AGBL4: variants seen among roughly 807,000 people sequenced by gnomAD.
AGBL4 encodes the protein cytosolic carboxypeptidase 6.
In AGBL4, 58 loss-of-function variants were observed where a neutral mutation model predicts 66.4. The ratio of observed to expected loss-of-function variants is 0.87; its 90% CI spans 0.71 to 1.09. AGBL4 has a LOEUF of 1.09. Ranked by LOEUF, AGBL4 falls within the 50% of genes least tolerant of loss-of-function variation. The pLI is 0.00. For synonymous variants in AGBL4, 234 were observed against 222.9 expected (o/e 1.05, Z -0.44); for missense variants, 579 against 631.0 (o/e 0.92, Z 0.88).
At position 48,881,877 on chromosome 1, in the gene AGBL4, C is replaced by G. The variant is rs192405783; in HGVS notation, c.595-14647G>C. On this transcript the variant is annotated intron_variant, in intron 5 of 13. Coordinates refer to ENST00000371839, the MANE Select transcript of AGBL4 (RefSeq NM_032785.4). Reference sequence around the variant, plus strand: ...TACTTAGGAAGAGATACTCTTCTCACCCTCAGAGAAAGCTAGGTAAGATCC... The same window carrying G: ...TACTTAGGAAGAGATACTCTTCTCAGCCTCAGAGAAAGCTAGGTAAGATCC... Among the ~76,000 whole-genome samples, 196 of 152,300 alleles carry G rather than the reference C, an allele frequency of 1.3e-3. 3 individuals are homozygous for G. Among genetic ancestry groups the G allele is most frequent in the Admixed American group, 4.1e-3 (63 of 15,302 alleles).
intron 3 of AGBL4, among the ~76,000 whole-genome samples, chr1:49,689,657 G>A (rs1646850277): frequency 6.6e-6 from 1 of 152,060 alleles, no homozygotes; most frequent in South Asian, 2.1e-4. Flanking sequence ...GACTGCTTTG[G>A]GTAGTGTGGA....
intron 3 of AGBL4, among the ~76,000 whole-genome samples, chr1:49,594,517 T>G (rs556070786): frequency 3.2e-4 from 48 of 152,240 alleles, no homozygotes; most frequent in African/African-American, 1.1e-3. Flanking sequence ...TTCCCTTGCC[T>G]CCCATCCACC....
rs113911717 is a variant in AGBL4, at chr1:49,593,723, A to C, written c.282+103590T>G. ...TTCATCCATAAAATGGGGATAAAAT[A>C]TTATTTCTCTCATATAGTTATAATA... On this transcript the variant is annotated intron_variant, in intron 3 of 13. Transcript: ENST00000371839. Among the ~76,000 whole-genome samples the C allele has an allele frequency of 4.4e-3, 669 of 152,282 alleles. 9 individuals carry two copies. The highest frequency in any genetic ancestry group is 0.015 in the African/African-American group (627 of 41,560).
chr1:49,014,035 T>C (rs1187735242), intron 5 of AGBL4, among the ~76,000 whole-genome samples: 1 of 152,180 alleles, frequency 6.6e-6, no homozygotes, highest in East Asian at 1.9e-4. Context: ...ATTAGGAATG[T>C]TAAAAGTCTT....
At chr1:48,693,332 G>A (rs934078876) in intron 6 of AGBL4, among the ~76,000 whole-genome samples, 2 of 152,180 alleles carry the variant, frequency 1.3e-5, no homozygotes, top group African/African-American at 4.8e-5. Context: ...GAGGAAGCCA[G>A]GCTAAACCAG....
chr1:49,765,136 C>T (rs923275048), intron 2 of AGBL4, among the ~76,000 whole-genome samples: 4 of 152,146 alleles, frequency 2.6e-5, no homozygotes, highest in East Asian at 1.9e-4. Flanking sequence ...CCCTCCACCC[C>T]CCATGGAACA....
chr1:49,525,402 T>G (rs1381555867), intron 3 of AGBL4, among the ~76,000 whole-genome samples: 4 of 151,394 alleles, frequency 2.6e-5, no homozygotes, highest in Admixed American at 6.6e-5. Flanking sequence ...AGAATAGAGG[T>G]AGGGGGAGTG....
At chr1:48,995,065 A>G (rs1660897798) in intron 5 of AGBL4, among the ~76,000 whole-genome samples, 2 of 152,212 alleles carry the variant, frequency 1.3e-5, no homozygotes, top group Admixed American at 1.3e-4. Flanking sequence ...CTAAATTTCA[A>G]AGTCCTGAGC....
intron 3 of AGBL4, among the ~76,000 whole-genome samples, chr1:49,263,300 T>C (rs902366416): frequency 1.2e-4 from 19 of 152,102 alleles, no homozygotes; most frequent in Middle Eastern, 3.4e-3. Flanking sequence ...AAACTTAAAG[T>C]ATAATAATAA....
At chr1:49,380,296 G>A (rs1052029035) in intron 3 of AGBL4, among the ~76,000 whole-genome samples, 9 of 152,014 alleles carry the variant, frequency 5.9e-5, no homozygotes, top group Non-Finnish European at 1.3e-4. Context: ...ACTTACAAGG[G>A]ACGTGAAGAC....
intron 2 of AGBL4, among the ~76,000 whole-genome samples, chr1:49,804,705 T>A (rs1191291443): frequency 6.6e-6 from 1 of 152,212 alleles, no homozygotes; most frequent in African/African-American, 2.4e-5. Context: ...TTATAAATAA[T>A]TTGCATTTTC....
intron 6 of AGBL4, among the ~76,000 whole-genome samples, chr1:48,835,657 C>T (rs1243088955): frequency 2.6e-5 from 4 of 152,056 alleles, no homozygotes; most frequent in Admixed American, 2.6e-4. Context: ...TCTTAATAAG[C>T]CTCTGCCAAT....
intron 3 of AGBL4, among the ~76,000 whole-genome samples, chr1:49,437,329 T>C (rs781637343): frequency 2.6e-5 from 4 of 152,114 alleles, no homozygotes; most frequent in Non-Finnish European, 5.9e-5. Flanking sequence ...ATTAATTAAG[T>C]CTCCCCAAAT....
intron 1 of AGBL4, among the ~76,000 whole-genome samples, chr1:49,855,151 T>C (rs528568288): frequency 2.0e-5 from 3 of 152,212 alleles, no homozygotes; most frequent in South Asian, 4.1e-4. Flanking sequence ...GAGAATGAAC[T>C]AACACAAATA....
chr1:48,793,530 A>C (rs983398958), intron 6 of AGBL4, among the ~76,000 whole-genome samples: 1 of 152,214 alleles, frequency 6.6e-6, no homozygotes, highest in Admixed American at 6.5e-5. Context: ...TGGGAGGAAG[A>C]AAACTTCAGC....
chr1:49,112,629 A>G (rs1645435450), intron 4 of AGBL4, among the ~76,000 whole-genome samples: 1 of 152,256 alleles, frequency 6.6e-6, no homozygotes, highest in African/African-American at 2.4e-5. Flanking sequence ...TATCAAAAGT[A>G]GCTTTGATGT....
intron 3 of AGBL4, among the ~76,000 whole-genome samples, chr1:49,553,950 C>A (rs1250054768): frequency 1.3e-5 from 2 of 152,216 alleles, no homozygotes; most frequent in East Asian, 3.9e-4. Context: ...GCAGACTGAG[C>A]AACATAGTGG....
At chr1:48,908,159 G>T (rs1474725273) in intron 5 of AGBL4, among the ~76,000 whole-genome samples, 1 of 152,120 alleles carries the variant, frequency 6.6e-6, no homozygotes, top group East Asian at 1.9e-4. Flanking sequence ...CCTTGTAAGA[G>T]AACAGCTCTC....
intron 3 of AGBL4, among the ~76,000 whole-genome samples, chr1:49,473,394 G>A (rs1646785897): frequency 6.6e-6 from 1 of 152,052 alleles, no homozygotes; most frequent in African/African-American, 2.4e-5. Context: ...TTGATGATTA[G>A]TGAGGTTGAG....
Sources: gnomAD v4.1 joint callset for allele counts (sites outside exome capture counted in the v4.1 genomes callset) on GRCh38, gnomAD v4.1.1 for gene constraint, MANE v1.5 for transcripts, NCBI Gene and HGNC (gene_info 2026-07-23, HGNC 2026-07-21) for gene names.